USP25: variants seen among roughly 807,000 people sequenced by gnomAD.
USP25 encodes the protein ubiquitin specific peptidase 25.
In USP25, 85 loss-of-function variants were observed where a neutral mutation model predicts 158.5. The ratio of observed to expected loss-of-function variants is 0.54; its 90% confidence interval spans 0.45 to 0.64. The LOEUF (loss-of-function observed/expected upper bound fraction) is 0.64. USP25 is among the 30% of genes least tolerant of loss of function. The pLI is 0.00. For missense variants in USP25, 1,242 were observed against 1,327.3 expected (o/e 0.94, Z 1.00); for synonymous variants, 464 against 460.4 (o/e 1.01, Z -0.10).
chr21:15,810,994 C>T (rs906280366), intron 8 of USP25, 143 bp from the exon 9 acceptor site: 12 of 653,500 alleles, frequency 1.8e-5, no homozygotes, highest in Non-Finnish European at 2.8e-5. Flanking sequence ...TGCAACGTGG[C>T]ACTGTAAATA....
In USP25 at chr21:15,770,221, T is replaced by TC. The variant is rs561472450; in HGVS notation, c.268+4083dup. 5.0e-3 allele frequency among the ~76,000 whole-genome samples: 768 copies of TC among 152,268 alleles called. 8 individuals are homozygous for TC. The highest frequency in any genetic ancestry group is 0.027 in the Middle Eastern group (8 of 294). On this transcript the variant is annotated intron_variant, in intron 3 of 25. Coordinates refer to ENST00000400183, the MANE Select transcript of USP25 (RefSeq NM_001283041.3). Reference sequence around the variant, plus strand: ...CCATTGCCCAAGTAACTTCAGTTTTTCCCTAGAAATTTCTAATATGTAAAA... The same window carrying TC: ...CCATTGCCCAAGTAACTTCAGTTTTTCCCCTAGAAATTTCTAATATGTAAAA...
intron 4 of USP25, among the ~76,000 whole-genome samples, chr21:15,780,987 T>G (rs1351123906): frequency 6.6e-6 from 1 of 152,156 alleles, no homozygotes; most frequent in African/African-American, 2.4e-5. Context: ...TATGTCAGAT[T>G]ATAGATGATC....
intron 9 of USP25, 51 bp downstream of exon 9, chr21:15,811,261 A>C (rs757032208): frequency 6.8e-7 from 1 of 1,475,182 alleles, no homozygotes. Context: ...ATTATTATTC[A>C]TTCATTCGTC....
Position 15,836,706 on chromosome 21 carries a change from C to T in USP25, c.2194+3158C>T, listed in dbSNP as rs571684268. ...CAGAATGAGTAGGGGAGCAAACTTA[C>T]CTGAATACTGTTGTTGAGATTTTCA... On this transcript the variant is annotated intron_variant, in intron 17 of 25. Transcript: ENST00000400183. 2.2e-5 allele frequency among the ~76,000 whole-genome samples: 3 copies of T among 135,044 alleles called. No homozygotes were observed. The East Asian group carries it at 6.8e-4, about 31-fold the overall frequency. The allele number at this position is 135,044 out of a possible 152,430, so 88.6% of individuals were successfully genotyped here.
intron 1 of USP25, among the ~76,000 whole-genome samples, chr21:15,733,949 A>G (rs559288177): frequency 6.6e-6 from 1 of 152,362 alleles, no homozygotes; most frequent in East Asian, 1.9e-4. Flanking sequence ...GATAGATCTC[A>G]ACCACCTTTT....
chr21:15,876,855 C>CT (rs1196612573), intron 24 of USP25: 4 of 152,068 alleles, frequency 2.6e-5, no homozygotes, highest in Admixed American at 6.6e-5. Context: ...AAATATATAA[C>CT]TTTTTTTATT....
intron 18 of USP25, among the ~76,000 whole-genome samples, chr21:15,846,728 T>C (rs1442904428): frequency 6.6e-6 from 1 of 152,198 alleles, no homozygotes; most frequent in Non-Finnish European, 1.5e-5. Context: ...TCAAGCACCT[T>C]CAGTACTTTT....
chr21:15,878,041 A>C, intron 25 of USP25, 50 bp downstream of exon 25: 1 of 1,427,280 alleles, frequency 7.0e-7, no homozygotes, highest in Non-Finnish European at 9.5e-7. Context: ...GATTAAATGC[A>C]GTTAGAATTA....
chr21:15,765,966 A>G (rs748118932), intron 2 of USP25, 31 bp from the exon 3 acceptor site: 4 of 1,575,496 alleles, frequency 2.5e-6, no homozygotes, highest in Admixed American at 3.9e-5. Context: ...TTATTTCAAA[A>G]CACTTGATAC....
At position 15,766,262 on chromosome 21, in the gene USP25, GGT is replaced by G; in HGVS notation, c.268+122_268+123del. On this transcript the variant is annotated intron_variant, in intron 3 of 25. Coordinates refer to ENST00000400183, the MANE Select transcript of USP25 (RefSeq NM_001283041.3). The surrounding 1 kb of genome is among the most constrained non-coding windows in gnomAD (Gnocchi z 4.0). ...ACCAAAAAAGAACTCTATTAACCTT[GGT>G]TCTTTTTAATGTAGTTGAAAGGAAC... The G allele has an allele frequency of 1.2e-6, 1 of 855,910 alleles. No individual in the cohort carries two copies. Among genetic ancestry groups the G allele is most frequent in the South Asian group, 3.2e-5 (1 of 31,626 alleles). The allele number at this position is 855,910 out of a possible 1,614,324, so 53.0% of individuals were successfully genotyped here.
In USP25 at chr21:15,730,476, CT is replaced by C. The variant is rs2030691940; in HGVS notation, c.45+40del. On this transcript the variant is annotated intron_variant, in intron 1 of 25. Transcript: ENST00000400183. ...CGCCAGCCGGCGGGCCCCACTTCTC[CT>C]TCCGACGGGCTGTCCTCTCCCGCTG... The C allele has an allele frequency of 3.8e-6, 5 of 1,327,142 alleles. No homozygotes were observed. In the East Asian group the frequency reaches 1.6e-4, roughly 42 times the overall value. 82.2% of individuals were successfully genotyped at this position (1,327,142 alleles called of 1,614,324 possible).
chr21:15,739,348 G>C (rs2031823865), intron 1 of USP25, among the ~76,000 whole-genome samples: 1 of 152,124 alleles, frequency 6.6e-6, no homozygotes, highest in Non-Finnish European at 1.5e-5. Context: ...TACAAAGTAG[G>C]TTCTGTTTAA....
chr21:15,851,465 C>T (rs77204174), intron 20 of USP25, among the ~76,000 whole-genome samples: 2,228 of 151,484 alleles, frequency 0.015, 59 homozygotes, highest in African/African-American at 0.052. Context: ...TTTCCTGCGT[C>T]GCATACATAC....
chr21:15,862,881 C>T (rs899770451), intron 20 of USP25, among the ~76,000 whole-genome samples: 1 of 151,648 alleles, frequency 6.6e-6, no homozygotes, highest in Non-Finnish European at 1.5e-5. Flanking sequence ...TATTACATAA[C>T]TAGAATATTT....
Position 15,730,376 on chromosome 21 carries a change from G to T in USP25, c.-18G>T. 1 of 1,231,564 alleles carries T rather than the reference G, an allele frequency of 8.1e-7. No homozygotes were observed. Among genetic ancestry groups the T allele is most frequent in the African/African-American group, 1.6e-5 (1 of 62,984 alleles). The allele number at this position is 1,231,564 out of a possible 1,614,324, so 76.3% of individuals were successfully genotyped here. ...GCCGGGCGCCACCGCCGCCGCCGCC[G>T]CCGCCGCCGCGGGGGCCATGACCGT... On this transcript the variant is annotated 5_prime_UTR_variant, in exon 1 of 26. Coordinates refer to ENST00000400183, the MANE Select transcript of USP25 (RefSeq NM_001283041.3).
intron 1 of USP25, among the ~76,000 whole-genome samples, chr21:15,745,648 G>A (rs937132710): frequency 5.9e-5 from 9 of 151,524 alleles, no homozygotes; most frequent in Admixed American, 5.9e-4. Flanking sequence ...GCTAATTTTT[G>A]TATTTTTAGT....
intron 20 of USP25, among the ~76,000 whole-genome samples, chr21:15,862,863 G>A (rs540684110): frequency 6.6e-6 from 1 of 151,354 alleles, no homozygotes; most frequent in Admixed American, 6.6e-5. Context: ...CCTTTTTAAT[G>A]AGTATGATAT....
intron 20 of USP25, among the ~76,000 whole-genome samples, chr21:15,861,346 A>T (rs573530821): frequency 6.6e-6 from 1 of 152,248 alleles, no homozygotes; most frequent in East Asian, 1.9e-4. Context: ...TGAAAAAGTT[A>T]AAAAAGTTAA....
intron 1 of USP25, among the ~76,000 whole-genome samples, chr21:15,758,787 A>G (rs775215383): frequency 1.3e-5 from 2 of 151,718 alleles, no homozygotes; most frequent in Admixed American, 6.6e-5. Flanking sequence ...GTGCAGGGGA[A>G]CTTTCCTTCA....
Sources: allele counts gnomAD v4.1 joint callset (sites outside exome capture counted in the v4.1 genomes callset), GRCh38; gene constraint gnomAD v4.1.1; non-coding constraint Gnocchi (gnomAD v3.1); transcripts MANE v1.5; gene names NCBI Gene and HGNC (gene_info 2026-07-23, HGNC 2026-07-21).